GLT1D1: variants seen among roughly 807,000 people sequenced by gnomAD.
GLT1D1 encodes the protein glycosyltransferase 1 domain-containing protein 1.
A neutral mutation model predicts 28.7 loss-of-function variants in GLT1D1; 21 were observed. The observed-to-expected ratio is 0.73, with a 90% CI of 0.52 to 1.05. The LOEUF (loss-of-function observed/expected upper bound fraction) is 1.05, where lower values mean the gene tolerates loss of function less well. Among genes scored for constraint, GLT1D1 ranks in the 50% least tolerant of loss-of-function variants. GLT1D1 has a pLI of 0.00. For synonymous variants in GLT1D1, 147 were observed against 124.8 expected (o/e 1.18, Z -1.19); for missense variants, 343 against 330.6 (o/e 1.04, Z -0.29).
At position 128,952,773 on chromosome 12, in the gene GLT1D1, C is replaced by CTTTTTTTT. The variant is rs71072430; in HGVS notation, c.541-4754_541-4747dup. Among the ~76,000 whole-genome samples the CTTTTTTTT allele has an allele frequency of 4.1e-3, 239 of 58,934 alleles. 60 individuals are homozygous for CTTTTTTTT. Among genetic ancestry groups the CTTTTTTTT allele is most frequent in the African/African-American group, 0.015 (195 of 12,728 alleles). The allele number at this position is 58,934 out of a possible 152,430, so 38.7% of individuals were successfully genotyped here. A position where few individuals can be genotyped will look rare whatever the true frequency, so the allele number is the denominator to read the frequency against. ...TACAGGTGTGAGCCACCGTGACTGG[C>CTTTTTTTT]TTTTTTTTTTTTTTTTTTTTTTTTT... On this transcript the variant is annotated intron_variant, in intron 6 of 7. Coordinates refer to ENST00000281703, the MANE Select transcript of GLT1D1 (RefSeq NM_144669.3).
Position 128,983,002 on chromosome 12 carries a change from A to C in GLT1D1, c.713A>C (p.Glu238Ala). 1 of 1,613,852 alleles carries C rather than the reference A, an allele frequency of 6.2e-7. No homozygotes were observed. Among genetic ancestry groups the C allele is most frequent in the Non-Finnish European group, 8.5e-7 (1 of 1,179,726 alleles). ...AAGGAAATCGTAGTGAACGGAAGGG[A>C]ATACGTGAGAATGTATCATTCATGG... Residue 238 changes from glutamate to alanine, a missense_variant, in exon 8 of 8, where the codon GAA becomes GCA. Glu to Ala is a moderately radical substitution (Grantham distance 107). Transcript: ENST00000281703. The surrounding 1 kb of genome is among the most constrained non-coding windows in gnomAD (Gnocchi z 4.7).
chr12:128,918,608 C>G (rs763050901), intron 4 of GLT1D1, among the ~76,000 whole-genome samples: 4 of 152,190 alleles, frequency 2.6e-5, no homozygotes, highest in Admixed American at 6.5e-5. Flanking sequence ...GTGTATTCAT[C>G]AATCTCAGCC....
At chr12:128,948,237 T>G (rs369214029) in intron 6 of GLT1D1, among the ~76,000 whole-genome samples, 1 of 152,168 alleles carries the variant, frequency 6.6e-6, no homozygotes, top group Admixed American at 6.5e-5. Flanking sequence ...ATTTAACCAT[T>G]ATCTTCGGTG....
At chr12:128,879,602 G>A (rs568575180) in intron 2 of GLT1D1, among the ~76,000 whole-genome samples, 4 of 151,870 alleles carry the variant, frequency 2.6e-5, no homozygotes, top group Admixed American at 2.6e-4. Context: ...ATTAACAGGT[G>A]TGCACCACCA....
chr12:128,874,124 C>CTT (rs1352539357), intron 1 of GLT1D1, among the ~76,000 whole-genome samples: 49 of 39,252 alleles, frequency 1.2e-3, no homozygotes, highest in East Asian at 2.1e-3. Flanking sequence ...CTCTCTCTCT[C>CTT]TCTTTCTTTC....
chr12:128,955,483 G>A (rs1877176449), intron 6 of GLT1D1, among the ~76,000 whole-genome samples: 1 of 150,900 alleles, frequency 6.6e-6, no homozygotes, highest in Admixed American at 6.6e-5. Context: ...TACATCACTG[G>A]ATGTGCACTC....
intron 1 of GLT1D1, among the ~76,000 whole-genome samples, chr12:128,874,132 T>TTCTTTCTTTCTTTCTTTCTC (rs1956810832): frequency 1.9e-5 from 1 of 53,828 alleles, no homozygotes; most frequent in African/African-American, 6.6e-5. Context: ...CTCTCTTTCT[T>TTCTTTCTTTCTTTCTTTCTC]TCTTTCTTTC....
intron 3 of GLT1D1, among the ~76,000 whole-genome samples, chr12:128,898,990 G>A (rs1446467820): frequency 6.6e-6 from 1 of 152,190 alleles, no homozygotes; most frequent in Non-Finnish European, 1.5e-5. Context: ...CTCTGAACTT[G>A]CGTGGAAGGA....
intron 4 of GLT1D1, among the ~76,000 whole-genome samples, chr12:128,938,740 G>A (rs1419924658): frequency 6.6e-6 from 1 of 152,184 alleles, no homozygotes; most frequent in African/African-American, 2.4e-5. Context: ...TAGCAGCTGG[G>A]AAGAAACTGC....
At chr12:128,913,967 T>G (rs1227571622) in intron 4 of GLT1D1, among the ~76,000 whole-genome samples, 1 of 152,142 alleles carries the variant, frequency 6.6e-6, no homozygotes, top group Admixed American at 6.5e-5. Flanking sequence ...AGGGCTGGCT[T>G]GAAATGGGCG....
At chr12:128,856,909 G>A (rs779563381) in intron 1 of GLT1D1, among the ~76,000 whole-genome samples, 1 of 152,124 alleles carries the variant, frequency 6.6e-6, no homozygotes, top group Non-Finnish European at 1.5e-5. Flanking sequence ...GAGGTTGCAT[G>A]AGCCAAGATG....
chr12:128,892,085 G>C (rs376629656), intron 3 of GLT1D1, among the ~76,000 whole-genome samples: 2 of 152,164 alleles, frequency 1.3e-5, no homozygotes, highest in African/African-American at 4.8e-5. Context: ...ACAAAAGGTC[G>C]CATTCTTTTG....
intron 1 of GLT1D1, among the ~76,000 whole-genome samples, chr12:128,866,193 C>T (rs566922496): frequency 1.3e-5 from 2 of 148,160 alleles, no homozygotes; most frequent in African/African-American, 2.6e-5. Context: ...CTCAACCTCC[C>T]GAGTAGCTGG....
At chr12:128,947,647 C>A (rs1269434556) in intron 6 of GLT1D1, among the ~76,000 whole-genome samples, 189 bp downstream of exon 10, 1 of 152,150 alleles carries the variant, frequency 6.6e-6, no homozygotes, top group African/African-American at 2.4e-5. Context: ...AATATCATTT[C>A]ATTTCTCATT....
chr12:128,949,615 G>GCT (rs1347417727), intron 6 of GLT1D1, among the ~76,000 whole-genome samples: 1 of 152,106 alleles, frequency 6.6e-6, no homozygotes, highest in Non-Finnish European at 1.5e-5. Flanking sequence ...CGTGGGCAGC[G>GCT]GGGTGAACAA....
At chr12:128,971,327 T>G (rs1879027231) in intron 7 of GLT1D1, among the ~76,000 whole-genome samples, 1 of 107,352 alleles carries the variant, frequency 9.3e-6, no homozygotes, top group African/African-American at 3.7e-5. Flanking sequence ...ATCTCCCTCC[T>G]TTCTTCCTCC....
At chr12:128,912,485 A>T in intron 4 of GLT1D1, 25 bp downstream of exon 5, 1 of 1,326,320 alleles carries the variant, frequency 7.5e-7, no homozygotes, top group Non-Finnish European at 1.0e-6. Flanking sequence ...ATATTTATTT[A>T]CTTATGTACA....
intron 7 of GLT1D1, among the ~76,000 whole-genome samples, chr12:128,971,436 C>CCCT (rs1879045761): frequency 1.6e-5 from 2 of 128,204 alleles, no homozygotes; most frequent in African/African-American, 2.8e-5. Context: ...CTCTCCTCCT[C>CCCT]CCTCCCTTCC....
In GLT1D1 at chr12:128,927,999, C is replaced by CAAAAAAAAAAA; in HGVS notation, c.376-17311_376-17301dup. 1.1e-3 allele frequency among the ~76,000 whole-genome samples: 48 copies of CAAAAAAAAAAA among 42,246 alleles called. 1 individual carries two copies. The highest frequency in any genetic ancestry group is 1.9e-3 in the South Asian group (1 of 516). 27.7% of individuals were successfully genotyped at this position (42,246 alleles called of 152,430 possible). A position where few individuals can be genotyped will look rare whatever the true frequency, so the allele number is the denominator to read the frequency against. Reference sequence around the variant, plus strand: ...TGGCCGACAGAGCAAGACTCTGTCTCAAAAAAAAAAAAAAAAAAAAAAAAA... The same window carrying CAAAAAAAAAAA: ...TGGCCGACAGAGCAAGACTCTGTCTCAAAAAAAAAAAAAAAAAAAAAAAAAAAAAAAAAAAA... On this transcript the variant is annotated intron_variant, in intron 4 of 7. Transcript: ENST00000281703.
Sources: gnomAD v4.1 joint callset for allele counts (sites outside exome capture counted in the v4.1 genomes callset) on GRCh38, gnomAD v4.1.1 for gene constraint, Gnocchi (gnomAD v3.1) non-coding constraint, MANE v1.5 for transcripts, NCBI Gene and HGNC (gene_info 2026-07-23, HGNC 2026-07-21) for gene names.